The following ZNF475 variants were observed in gnomAD, a reference collection of about 807,000 sequenced individuals.
ZNF475 encodes the protein zinc finger protein 475.
At chr5:122,179,253 A>G in the ZNF475 span, among the ~76,000 whole-genome samples, 5 of 152,194 alleles carry the variant, frequency 3.3e-5, no homozygotes, top group Non-Finnish European at 5.9e-5. Context: ...TAAAATTTAA[A>G]GTGGTTTTTT....
At chr5:122,171,441 A>T in the ZNF475 span, among the ~76,000 whole-genome samples, 1 of 152,224 alleles carries the variant, frequency 6.6e-6, no homozygotes, top group Non-Finnish European at 1.5e-5. Flanking sequence ...AAGTGAGGTT[A>T]TCAGTAGAGA....
chr5:122,180,061 A>G, the ZNF475 span: 1 of 158,262 alleles, frequency 6.3e-6, no homozygotes, highest in Non-Finnish European at 1.4e-5. Context: ...ATAAAAATGA[A>G]TAAAACTTAA....
chr5:122,174,992 T>G, the ZNF475 span, among the ~76,000 whole-genome samples: 1 of 152,192 alleles, frequency 6.6e-6, no homozygotes, highest in Non-Finnish European at 1.5e-5. Context: ...TTCATGCCAC[T>G]TTTGAATTGT....
At chr5:122,161,793 C>A in the ZNF475 span, among the ~76,000 whole-genome samples, 2 of 152,174 alleles carry the variant, frequency 1.3e-5, no homozygotes, top group Non-Finnish European at 2.9e-5. Context: ...AGGCCTGTAT[C>A]CAAACTGATG....
At chr5:122,166,286 T>A in the ZNF475 span, among the ~76,000 whole-genome samples, 23 of 152,228 alleles carry the variant, frequency 1.5e-4, no homozygotes, top group African/African-American at 5.5e-4. Context: ...CACATTTACA[T>A]ACTAATGAAC....
chr5:122,178,942 T>A, the ZNF475 span, among the ~76,000 whole-genome samples: 15 of 152,112 alleles, frequency 9.9e-5, no homozygotes, highest in African/African-American at 3.6e-4. Context: ...CCAGCTTCAG[T>A]TTTTTGCATA....
At chr5:122,163,630 C>T in the ZNF475 span, among the ~76,000 whole-genome samples, 1 of 152,202 alleles carries the variant, frequency 6.6e-6, no homozygotes, top group Non-Finnish European at 1.5e-5. Flanking sequence ...AAGAGAAACA[C>T]TCATTGATGG....
the ZNF475 span, among the ~76,000 whole-genome samples, chr5:122,175,296 G>T: frequency 6.6e-5 from 10 of 152,218 alleles, no homozygotes; most frequent in South Asian, 1.9e-3. Flanking sequence ...AAAAGTGAAA[G>T]TCCCAATAGT....
chr5:122,167,340 A>T, the ZNF475 span, among the ~76,000 whole-genome samples: 1 of 152,102 alleles, frequency 6.6e-6, no homozygotes, highest in Non-Finnish European at 1.5e-5. Flanking sequence ...AAAAAATTTA[A>T]TGTCCTGAAA....
the ZNF475 span, among the ~76,000 whole-genome samples, chr5:122,160,852 G>A: frequency 6.6e-6 from 1 of 152,184 alleles, no homozygotes; most frequent in African/African-American, 2.4e-5. Flanking sequence ...TAGTGATCAT[G>A]CATACTGAAT....
chr5:122,172,269 G>C, the ZNF475 span, among the ~76,000 whole-genome samples: 2 of 152,156 alleles, frequency 1.3e-5, no homozygotes, highest in South Asian at 4.1e-4. Flanking sequence ...TATTAGCCAA[G>C]ACAACAGGTA....
At chr5:122,165,921 C>A in the ZNF475 span, among the ~76,000 whole-genome samples, 1 of 152,316 alleles carries the variant, frequency 6.6e-6, no homozygotes, top group East Asian at 1.9e-4. Flanking sequence ...GGCAAAGGCC[C>A]ACTAAAATGA....
chr5:122,168,069 G>C, the ZNF475 span, among the ~76,000 whole-genome samples: 1 of 152,140 alleles, frequency 6.6e-6, no homozygotes, highest in African/African-American at 2.4e-5. Flanking sequence ...TTTTGAGACG[G>C]AGTCTCAGTC....
chr5:122,160,935 T>C, the ZNF475 span, among the ~76,000 whole-genome samples: 1 of 151,996 alleles, frequency 6.6e-6, no homozygotes, highest in African/African-American at 2.4e-5. Context: ...AACTACAATC[T>C]CTCCCAAAAT....
chr5:122,160,336 A>G, the ZNF475 span: 8 of 1,163,558 alleles, frequency 6.9e-6, no homozygotes, highest in East Asian at 4.6e-4. Flanking sequence ...TATGTATTAC[A>G]TGTGTGGAAT....
chr5:122,179,740 T>C, the ZNF475 span: 2 of 1,486,532 alleles, frequency 1.3e-6, no homozygotes, highest in Non-Finnish European at 1.8e-6. Context: ...GGTAAGTTCC[T>C]AGAAAAAAGA....
At chr5:122,164,770 T>A in the ZNF475 span, among the ~76,000 whole-genome samples, 10 of 152,236 alleles carry the variant, frequency 6.6e-5, no homozygotes, top group Non-Finnish European at 1.0e-4. Flanking sequence ...CAGTCTGAGT[T>A]CAAACATGTT....
chr5:122,170,950 C>T, the ZNF475 span, among the ~76,000 whole-genome samples: 1 of 152,164 alleles, frequency 6.6e-6, no homozygotes, highest in Admixed American at 6.5e-5. Flanking sequence ...TCCTATCACC[C>T]CTGTCACTCA....
At chr5:122,165,253 A>G in the ZNF475 span, among the ~76,000 whole-genome samples, 2 of 152,254 alleles carry the variant, frequency 1.3e-5, no homozygotes, top group African/African-American at 4.8e-5. Flanking sequence ...CACAATGGAA[A>G]TGCAGTATCA....
Sources: gnomAD v4.1 joint callset for allele counts (sites outside exome capture counted in the v4.1 genomes callset) on GRCh38, gnomAD v4.1.1 for gene constraint, MANE v1.5 for transcripts, NCBI Gene and HGNC (gene_info 2026-07-23, HGNC 2026-07-21) for gene names.